KIAA1328: variants seen among roughly 807,000 people sequenced by gnomAD.
The protein encoded by KIAA1328 is KIAA1328.
A neutral mutation model predicts 68.1 loss-of-function variants in KIAA1328; 52 were observed. The observed-to-expected ratio is 0.76, with a 90% CI of 0.61 to 0.96. The LOEUF is 0.96. Ranked by LOEUF, KIAA1328 falls within the 40% of genes least tolerant of loss-of-function variation. KIAA1328 has a pLI of 0.00. For missense variants in KIAA1328, 641 were observed against 677.6 expected (o/e 0.95, Z 0.60); for synonymous variants, 232 against 239.4 (o/e 0.97, Z 0.28).
intron 5 of KIAA1328, among the ~76,000 whole-genome samples, chr18:36,928,451 C>T (rs559347255): frequency 1.3e-5 from 2 of 151,364 alleles, no homozygotes; most frequent in South Asian, 2.1e-4. Flanking sequence ...TCTGGGTTTT[C>T]GTGACACTTA....
intron 3 of KIAA1328, among the ~76,000 whole-genome samples, 172 bp from the exon 4 acceptor site, chr18:36,844,036 A>G (rs957523771): frequency 4.6e-5 from 7 of 152,036 alleles, no homozygotes; most frequent in African/African-American, 1.4e-4. Context: ...GTCCTAGTGG[A>G]CAGTCAGTTC....
At chr18:37,111,068 C>T (rs1260786756) in intron 7 of KIAA1328, among the ~76,000 whole-genome samples, 1 of 151,992 alleles carries the variant, frequency 6.6e-6, no homozygotes, top group Non-Finnish European at 1.5e-5. Context: ...TTCTTTGTTA[C>T]GTGGTATGGT....
intron 6 of KIAA1328, among the ~76,000 whole-genome samples, chr18:37,050,551 T>C (rs562291747): frequency 3.9e-5 from 6 of 152,354 alleles, no homozygotes; most frequent in African/African-American, 1.4e-4. Context: ...CATTTATATA[T>C]GTGAAAATGA....
intron 5 of KIAA1328, among the ~76,000 whole-genome samples, chr18:36,912,155 A>G (rs901858720): frequency 2.0e-5 from 3 of 152,152 alleles, no homozygotes; most frequent in African/African-American, 7.2e-5. Context: ...ACTTCCTATT[A>G]CAGTATCAAT....
intron 6 of KIAA1328, among the ~76,000 whole-genome samples, chr18:37,011,366 C>T (rs1331575330): frequency 3.3e-5 from 5 of 152,096 alleles, no homozygotes; most frequent in Non-Finnish European, 7.4e-5. Flanking sequence ...GCTTTGGAGT[C>T]ATAATTGACT....
At chr18:37,189,110 G>A (rs117141060) in intron 9 of KIAA1328, among the ~76,000 whole-genome samples, 1 of 152,260 alleles carries the variant, frequency 6.6e-6, no homozygotes, top group Non-Finnish European at 1.5e-5. Flanking sequence ...AGGATAGTCC[G>A]AAGGCTCAAA....
intron 3 of KIAA1328, among the ~76,000 whole-genome samples, chr18:36,839,968 C>G (rs2046804703): frequency 6.6e-6 from 1 of 152,138 alleles, no homozygotes; most frequent in Non-Finnish European, 1.5e-5. Context: ...GTAGTTGACG[C>G]GAAGGGATTC....
intron 6 of KIAA1328, among the ~76,000 whole-genome samples, chr18:37,004,571 C>G (rs369340167): frequency 1.3e-5 from 2 of 152,130 alleles, no homozygotes; most frequent in South Asian, 2.1e-4. Context: ...AACCTTACTC[C>G]TGCAAGAATG....
intron 6 of KIAA1328, among the ~76,000 whole-genome samples, chr18:36,995,986 CTA>C (rs1280565648): frequency 6.6e-6 from 1 of 152,194 alleles, no homozygotes; most frequent in Admixed American, 6.5e-5. Context: ...GGTCACTTCT[CTA>C]TGCTACTTGC....
chr18:36,908,027 T>C (rs2049285835), intron 5 of KIAA1328, among the ~76,000 whole-genome samples: 1 of 152,168 alleles, frequency 6.6e-6, no homozygotes, highest in African/African-American at 2.4e-5. Flanking sequence ...AAGGAATTTT[T>C]AAAATTTTAT....
At chr18:36,927,567 C>T (rs1436762665) in intron 5 of KIAA1328, among the ~76,000 whole-genome samples, 4 of 151,892 alleles carry the variant, frequency 2.6e-5, no homozygotes, top group South Asian at 2.1e-4. Flanking sequence ...GGCAATAGGG[C>T]GAAACTTCAT....
chr18:37,083,069 T>C (rs556457384), intron 7 of KIAA1328, among the ~76,000 whole-genome samples: 12 of 152,300 alleles, frequency 7.9e-5, no homozygotes, highest in Middle Eastern at 3.4e-3. Flanking sequence ...AACTACATTA[T>C]AGAGTGGTTG....
chr18:37,200,030 A>G (rs1194642624), intron 9 of KIAA1328, among the ~76,000 whole-genome samples: 1 of 152,258 alleles, frequency 6.6e-6, no homozygotes, highest in African/African-American at 2.4e-5. Flanking sequence ...AGTATGTCCC[A>G]GTGGGAGAGA....
At chr18:37,153,171 T>C (rs943567303) in intron 7 of KIAA1328, among the ~76,000 whole-genome samples, 5 of 152,162 alleles carry the variant, frequency 3.3e-5, no homozygotes, top group Non-Finnish European at 7.4e-5. Flanking sequence ...CTCCTCAAGC[T>C]TGTCTACAAA....
chr18:37,129,289 G>A (rs2058464939), intron 7 of KIAA1328, among the ~76,000 whole-genome samples: 1 of 151,864 alleles, frequency 6.6e-6, no homozygotes, highest in Non-Finnish European at 1.5e-5. Flanking sequence ...TTTTATGGCA[G>A]CATTATTTCC....
At chr18:37,195,423 T>G (rs1347038635) in intron 9 of KIAA1328, among the ~76,000 whole-genome samples, 1 of 152,240 alleles carries the variant, frequency 6.6e-6, no homozygotes, top group Non-Finnish European at 1.5e-5. Flanking sequence ...CCTTAATGTT[T>G]TCTTCTAATA....
At chr18:36,981,909 A>G (rs2052704395) in intron 6 of KIAA1328, among the ~76,000 whole-genome samples, 1 of 151,396 alleles carries the variant, frequency 6.6e-6, no homozygotes, top group Non-Finnish European at 1.5e-5. Flanking sequence ...ACTTTTGTGT[A>G]TGAAAATCAT....
chr18:36,919,356 ATG>A (rs371442896), intron 5 of KIAA1328, among the ~76,000 whole-genome samples: 1 of 152,032 alleles, frequency 6.6e-6, no homozygotes, highest in Non-Finnish European at 1.5e-5. Flanking sequence ...TGCTGTATGT[ATG>A]TGTGTGTGTA....
intron 6 of KIAA1328, among the ~76,000 whole-genome samples, chr18:37,034,416 A>G (rs1282904892): frequency 6.6e-6 from 1 of 152,206 alleles, no homozygotes; most frequent in African/African-American, 2.4e-5. Context: ...GCCTAAAATA[A>G]TAAAATGGAA....
Sources: allele counts gnomAD v4.1 joint callset (sites outside exome capture counted in the v4.1 genomes callset), GRCh38; gene constraint gnomAD v4.1.1; transcripts MANE v1.5; gene names NCBI Gene and HGNC (gene_info 2026-07-23, HGNC 2026-07-21).